WDR49: variants seen among roughly 807,000 people sequenced by gnomAD.
WDR49 encodes WD repeat domain 49, also known as cilia- and flagella-associated protein 337.
In WDR49, 107 loss-of-function variants were observed where a neutral mutation model predicts 119.5. The ratio of observed to expected loss-of-function variants is 0.90; its 90% CI spans 0.77 to 1.05. The LOEUF is 1.05. WDR49 is among the 50% of genes least tolerant of loss of function. WDR49 has a pLI of 0.00. For synonymous variants in WDR49, 425 were observed against 418.8 expected, an observed-to-expected ratio of 1.01 and a Z score of -0.18; for missense variants, 1,240 against 1,220.5, an observed-to-expected ratio of 1.02 and a Z score of -0.24.
rs115317424 is a variant in WDR49, at chr3:167,607,890, T to C, written c.959-3422A>G. ...ATCCTTTTCTCTCTTTTCTTCTTAA[T>C]AAAAGGAAGGAAGAAAGGGTAAAAG... On this transcript the variant is annotated intron_variant, in intron 5 of 18. Coordinates refer to ENST00000682715, the MANE Select transcript of WDR49 (RefSeq NM_001366157.1). Among the ~76,000 whole-genome samples the C allele has an allele frequency of 9.5e-3, 1,419 of 149,942 alleles. 20 individuals are homozygous for C. The highest frequency in any genetic ancestry group is 0.033 in the African/African-American group (1,337 of 40,646).
chr3:167,509,518 A>G, intron 16 of WDR49, among the ~76,000 whole-genome samples: 1 of 152,214 alleles, frequency 6.6e-6, no homozygotes, highest in East Asian at 1.9e-4. Context: ...TAAAGCAATA[A>G]GATATCATAG....
intron 9 of WDR49, among the ~76,000 whole-genome samples, chr3:167,555,730 T>A (rs891099424): frequency 1.1e-4 from 16 of 152,058 alleles, no homozygotes; most frequent in Non-Finnish European, 1.5e-4. Context: ...TGGCCAGAGG[T>A]GTGTATTGCA....
At chr3:167,600,834 G>C (rs971857892) in intron 7 of WDR49, among the ~76,000 whole-genome samples, 2 of 152,166 alleles carry the variant, frequency 1.3e-5, no homozygotes, top group Non-Finnish European at 2.9e-5. Context: ...GAAACTGCAT[G>C]GTGAGAAAAG....
intron 10 of WDR49, among the ~76,000 whole-genome samples, chr3:167,551,617 A>C (rs1712577986): frequency 6.6e-6 from 1 of 151,890 alleles, no homozygotes; most frequent in Non-Finnish European, 1.5e-5. Context: ...GAGCTACCCA[A>C]CTTCTTCAAG....
intron 2 of WDR49, among the ~76,000 whole-genome samples, chr3:167,649,736 C>T (rs1381673499): frequency 6.6e-6 from 1 of 152,166 alleles, no homozygotes; most frequent in Non-Finnish European, 1.5e-5. Context: ...TACACTAAAA[C>T]TATTTGGCCC....
At chr3:167,627,814 T>C (rs1448463787) in intron 2 of WDR49, among the ~76,000 whole-genome samples, 1 of 152,064 alleles carries the variant, frequency 6.6e-6, no homozygotes, top group African/African-American at 2.4e-5. Flanking sequence ...TACAGGCATA[T>C]CTCCTTTTGT....
chr3:167,522,140 G>A (rs567287820), intron 16 of WDR49, among the ~76,000 whole-genome samples, 175 bp downstream of exon 16: 1 of 152,144 alleles, frequency 6.6e-6, no homozygotes, highest in Admixed American at 6.6e-5. Flanking sequence ...AACCAAATAT[G>A]GCCCCGATAA....
intron 8 of WDR49, among the ~76,000 whole-genome samples, chr3:167,564,558 C>A (rs747609150): frequency 8.5e-5 from 13 of 152,176 alleles, no homozygotes; most frequent in Non-Finnish European, 1.2e-4. Context: ...TTTAAGTTTG[C>A]AGTTTATTTC....
chr3:167,648,364 C>A (rs1317955476), intron 2 of WDR49, among the ~76,000 whole-genome samples: 1 of 152,112 alleles, frequency 6.6e-6, no homozygotes, highest in African/African-American at 2.4e-5. Context: ...ATAGGACCGA[C>A]TATTAAAACA....
At chr3:167,609,272 G>A (rs1410817482) in intron 5 of WDR49, among the ~76,000 whole-genome samples, 5 of 152,116 alleles carry the variant, frequency 3.3e-5, no homozygotes, top group Admixed American at 1.3e-4. Flanking sequence ...ACTTCACATC[G>A]CTGAAAGAGG....
At chr3:167,495,048 A>G (rs1433500937) in intron 18 of WDR49, among the ~76,000 whole-genome samples, 1 of 152,168 alleles carries the variant, frequency 6.6e-6, no homozygotes, top group Non-Finnish European at 1.5e-5. Context: ...GCTGACAGAA[A>G]AGAATATTAA....
At chr3:167,597,291 G>C (rs564199683) in intron 7 of WDR49, among the ~76,000 whole-genome samples, 175 of 152,344 alleles carry the variant, frequency 1.1e-3, no homozygotes, top group African/African-American at 4.0e-3. Context: ...CTTCCACATG[G>C]TGTTGAGCCT....
intron 2 of WDR49, among the ~76,000 whole-genome samples, chr3:167,630,741 C>T (rs918039408): frequency 2.0e-5 from 3 of 152,084 alleles, no homozygotes; most frequent in African/African-American, 4.8e-5. Flanking sequence ...ATTGTTCCTA[C>T]GGGAAACACA....
intron 16 of WDR49, among the ~76,000 whole-genome samples, chr3:167,517,078 A>G (rs1308376007): frequency 2.0e-5 from 3 of 152,202 alleles, no homozygotes; most frequent in African/African-American, 7.2e-5. Flanking sequence ...CAGGTGCTGG[A>G]GAGGATGTGG....
intron 5 of WDR49, among the ~76,000 whole-genome samples, chr3:167,605,320 C>T (rs1716004898): frequency 6.6e-6 from 1 of 152,072 alleles, no homozygotes; most frequent in South Asian, 2.1e-4. Flanking sequence ...CCATAGCTAT[C>T]TCCCTAGGAA....
intron 7 of WDR49, among the ~76,000 whole-genome samples, chr3:167,599,373 G>C (rs183723012): frequency 4.1e-4 from 63 of 152,218 alleles, no homozygotes; most frequent in African/African-American, 1.5e-3. Context: ...CACCACCACT[G>C]TCCCATGGGG....
chr3:167,600,132 T>C (rs540404866), intron 7 of WDR49, among the ~76,000 whole-genome samples: 1 of 152,186 alleles, frequency 6.6e-6, no homozygotes, highest in South Asian at 2.1e-4. Context: ...AAAAGTCCTC[T>C]TTACTCATTA....
At chr3:167,488,265 TA>T (rs1364670913) in intron 18 of WDR49, among the ~76,000 whole-genome samples, 1 of 151,284 alleles carries the variant, frequency 6.6e-6, no homozygotes, top group East Asian at 1.9e-4. Context: ...AGCTGTAGGA[TA>T]AAATCCTAAG....
chr3:167,621,607 A>T lies in WDR49; in HGVS notation c.643T>A (p.Tyr215Asn). The T allele has an allele frequency of 6.5e-7, 1 of 1,534,756 alleles. No homozygotes were observed. Among genetic ancestry groups the T allele is most frequent in the African/African-American group, 1.4e-5 (1 of 73,100 alleles). The change falls in exon 4 of 19, where the codon TAT (tyrosine) becomes AAT (asparagine). Residue 215 changes from tyrosine to asparagine, a missense_variant. Coordinates refer to ENST00000682715, the MANE Select transcript of WDR49 (RefSeq NM_001366157.1). ...VAFTSKEVCF[Y>N]DLLSKEEFAC... The stretch of plus-strand genomic sequence containing the variant: ...AATTCTTCTTTGGACAGCAGATCAT[A>T]GAAACAAACCTCTTTACTTGTAAAA...
Sources: gnomAD v4.1 joint callset for allele counts (sites outside exome capture counted in the v4.1 genomes callset) on GRCh38, gnomAD v4.1.1 for gene constraint, MANE v1.5 for transcripts, NCBI Gene and HGNC (gene_info 2026-07-23, HGNC 2026-07-21) for gene names.